PPP2R2B: variants seen among roughly 807,000 people sequenced by gnomAD.
The protein encoded by PPP2R2B is protein phosphatase 2 regulatory subunit Bbeta.
In PPP2R2B, 5 loss-of-function variants were observed where a neutral mutation model predicts 46.0. The ratio of observed to expected loss-of-function variants is 0.11; its 90% CI spans 0.06 to 0.23. The LOEUF is 0.23. Ranked by LOEUF, PPP2R2B falls within the 10% of genes least tolerant of loss-of-function variation. PPP2R2B has a pLI of 1.00. For synonymous variants in PPP2R2B, 215 were observed against 206.7 expected (o/e 1.04, Z -0.34); for missense variants, 367 against 575.0 (o/e 0.64, Z 3.70).
Position 147,025,076 on chromosome 5 carries a change from G to A in PPP2R2B, c.79+30589C>T, listed in dbSNP as rs184579174. Among the ~76,000 whole-genome samples, 23 of 151,984 alleles carry A rather than the reference G, an allele frequency of 1.5e-4. No individual in the cohort carries two copies. The South Asian group carries it at 2.9e-3, about 19-fold the overall frequency. On this transcript the variant is annotated intron_variant, in intron 1 of 8. Transcript: ENST00000336640. ...AAAGAGAAAGAGAAAAAAAATTGAC[G>A]ATATCAGAAATGACAGAAGGGATCT...
rs373765820 is a variant in PPP2R2B, at chr5:146,697,976, T to C, written c.334+3A>G. The C allele has an allele frequency of 8.7e-6, 14 of 1,605,842 alleles. No individual in the cohort carries two copies. The highest frequency in any genetic ancestry group is 1.1e-5 in the Non-Finnish European group (13 of 1,176,956). ...GAAAATACCAAACAGGAATTCCACC[T>C]ACCATTAGTAGACAGAAGAAAGTAA... On this transcript the variant is annotated splice_donor_region_variant and intron_variant, in intron 4 of 9. Transcript: ENST00000394411.
At chr5:146,877,192 TG>T (rs1485271130) in intron 2 of PPP2R2B, among the ~76,000 whole-genome samples, 3 of 152,204 alleles carry the variant, frequency 2.0e-5, no homozygotes, top group African/African-American at 7.2e-5. Flanking sequence ...AGATTCCACC[TG>T]CTGACTTTCC....
intron 7 of PPP2R2B, among the ~76,000 whole-genome samples, chr5:146,637,203 T>C (rs116222083): frequency 6.9e-4 from 105 of 152,344 alleles, no homozygotes; most frequent in Non-Finnish European, 1.2e-3. Flanking sequence ...AACAAATACA[T>C]TGTAGATACA....
intron 1 of PPP2R2B, among the ~76,000 whole-genome samples, chr5:146,936,209 G>GGTTT (rs960057984): frequency 1.6e-4 from 25 of 152,076 alleles, no homozygotes; most frequent in African/African-American, 5.8e-4. Flanking sequence ...TATCTTTTGA[G>GGTTT]AGTTTAGCCC....
intron 2 of PPP2R2B, among the ~76,000 whole-genome samples, chr5:146,767,539 T>TACACACAC (rs112893364): frequency 6.3e-4 from 95 of 150,544 alleles, no homozygotes; most frequent in African/African-American, 2.1e-3. Context: ...CACACATACA[T>TACACACAC]ACACACACAC....
At chr5:146,595,221 G>C (rs1771055028) in intron 8 of PPP2R2B, among the ~76,000 whole-genome samples, 1 of 152,180 alleles carries the variant, frequency 6.6e-6, no homozygotes. Flanking sequence ...TTTGGGGGCT[G>C]CAAGGGTGAG....
intron 1 of PPP2R2B, among the ~76,000 whole-genome samples, chr5:147,016,762 A>G (rs1379740698): frequency 1.3e-5 from 2 of 151,752 alleles, no homozygotes; most frequent in East Asian, 2.1e-4. Flanking sequence ...TGGGCATTCT[A>G]TCCAGGCAGA....
intron 5 of PPP2R2B, among the ~76,000 whole-genome samples, chr5:146,658,768 A>G (rs2151104896): frequency 6.6e-6 from 1 of 152,304 alleles, no homozygotes; most frequent in South Asian, 2.1e-4. Flanking sequence ...CAATTCATAA[A>G]CATTCCTGAG....
Position 146,589,863 on chromosome 5 carries a change from A to C in PPP2R2B, c.*84T>G. On this transcript the variant is annotated 3_prime_UTR_variant, in exon 10 of 10. Coordinates refer to ENST00000394411, the MANE Select transcript of PPP2R2B (RefSeq NM_181675.4). ...TGTATAGGGAAATTAAAGTCAATGC[A>C]TCAAATGAAGACCCAAAGAAACATT... 1 of 1,339,562 alleles carries C rather than the reference A, an allele frequency of 7.5e-7. No individual in the cohort carries two copies. The highest frequency in any genetic ancestry group is 1.3e-5 in the South Asian group (1 of 74,994). The allele number at this position is 1,339,562 out of a possible 1,614,324, so 83.0% of individuals were successfully genotyped here. A position where few individuals can be genotyped will look rare whatever the true frequency, so the allele number is the denominator to read the frequency against.
chr5:147,057,681 C>T (rs1757132817), upstream of PPP2R2B, among the ~76,000 whole-genome samples: 1 of 152,224 alleles, frequency 6.6e-6, no homozygotes, highest in African/African-American at 2.4e-5. Context: ...ACCAATGTTG[C>T]TGCTGTTAGC....
At chr5:146,739,507 C>T (rs1010462225) in intron 2 of PPP2R2B, among the ~76,000 whole-genome samples, 12 of 152,248 alleles carry the variant, frequency 7.9e-5, no homozygotes, top group Non-Finnish European at 1.3e-4. Context: ...TGGGGACCAA[C>T]AGAGATTTCA....
intron 2 of PPP2R2B, among the ~76,000 whole-genome samples, chr5:146,875,370 C>T (rs1347404143): frequency 6.6e-6 from 1 of 151,868 alleles, no homozygotes; most frequent in East Asian, 1.9e-4. Context: ...AAATGCACAC[C>T]ATGCATTCTT....
chr5:146,597,392 T>C (rs1771279935), intron 8 of PPP2R2B, among the ~76,000 whole-genome samples: 1 of 152,190 alleles, frequency 6.6e-6, no homozygotes, highest in African/African-American at 2.4e-5. Flanking sequence ...CTCCTTCTAG[T>C]ATGTTGATTC....
intron 2 of PPP2R2B, among the ~76,000 whole-genome samples, chr5:146,824,092 C>T (rs972045144): frequency 1.4e-4 from 22 of 152,202 alleles, no homozygotes; most frequent in African/African-American, 5.3e-4. Context: ...TCCCCTCTAT[C>T]AGATGTCACA....
At chr5:146,811,039 C>T (rs1032643811) in intron 2 of PPP2R2B, among the ~76,000 whole-genome samples, 3 of 152,090 alleles carry the variant, frequency 2.0e-5, no homozygotes, top group Non-Finnish European at 2.9e-5. Flanking sequence ...CTTGCCCTGT[C>T]GCCACCCAGG....
At position 147,055,175 on chromosome 5, in the gene PPP2R2B, C is replaced by G. The variant is rs75168890; in HGVS notation, c.79+490G>C. 9.3e-3 allele frequency among the ~76,000 whole-genome samples: 1,418 copies of G among 152,290 alleles called. 20 individuals carry two copies. Among genetic ancestry groups the G allele is most frequent in the African/African-American group, 0.033 (1,356 of 41,556 alleles). Reference sequence around the variant, plus strand: ...TTCTTACTGCTCTGTAACCCAAGTACAGACTCCAAGTGAACCAATCCAACA... The same window carrying G: ...TTCTTACTGCTCTGTAACCCAAGTAGAGACTCCAAGTGAACCAATCCAACA... On this transcript the variant is annotated intron_variant, in intron 1 of 8. Transcript: ENST00000336640.
intron 5 of PPP2R2B, among the ~76,000 whole-genome samples, chr5:146,690,883 G>A (rs1323135950): frequency 6.6e-6 from 1 of 152,220 alleles, no homozygotes; most frequent in Non-Finnish European, 1.5e-5. Flanking sequence ...AGTAACGTCT[G>A]GCAGTGGCCA....
chr5:147,036,681 T>A (rs1338675770), intron 1 of PPP2R2B, among the ~76,000 whole-genome samples: 1 of 152,146 alleles, frequency 6.6e-6, no homozygotes, highest in Admixed American at 6.6e-5. Context: ...GAATCTCTTG[T>A]ATTTTTGACT....
rs182688212 is a variant in PPP2R2B, at chr5:146,736,063, G to A, written c.71-34921C>T. 8.5e-4 allele frequency among the ~76,000 whole-genome samples: 129 copies of A among 152,228 alleles called. No homozygotes were observed. The Middle Eastern group carries it at 0.014, about 16-fold the overall frequency. On this transcript the variant is annotated intron_variant, in intron 2 of 9. Transcript: ENST00000394411. ...TGGAGATAATTGAATCATGGGAGCAGTTTCCCCCATCCTGTTCTTATGAGA... is the reference window on the plus strand; with the variant it reads ...TGGAGATAATTGAATCATGGGAGCAATTTCCCCCATCCTGTTCTTATGAGA...
Sources: gnomAD v4.1 joint callset for allele counts (sites outside exome capture counted in the v4.1 genomes callset) on GRCh38, gnomAD v4.1.1 for gene constraint, MANE v1.5 for transcripts, NCBI Gene and HGNC (gene_info 2026-07-23, HGNC 2026-07-21) for gene names.